The following COQ9 variants were observed in gnomAD, a reference collection of about 807,000 sequenced individuals.
The protein encoded by COQ9 is ubiquinone biosynthesis protein COQ9, mitochondrial.
COQ9 carries 35 observed loss-of-function variants against 42.4 expected under a neutral mutation model. The observed-to-expected ratio is 0.83, with a 90% CI of 0.63 to 1.10. COQ9 has a LOEUF of 1.10. Ranked by LOEUF, COQ9 falls within the 50% of genes least tolerant of loss-of-function variation. The pLI is 0.00. For synonymous variants in COQ9, 155 were observed against 155.1 expected, an observed-to-expected ratio of 1.00 and a Z score of 0.00; for missense variants, 406 against 414.6, an observed-to-expected ratio of 0.98 and a Z score of 0.18.
At chr16:57,449,463 C>T (rs1189526036) in intron 1 of COQ9, among the ~76,000 whole-genome samples, 2 of 151,918 alleles carry the variant, frequency 1.3e-5, no homozygotes, top group East Asian at 3.9e-4. Context: ...TACTGATAGG[C>T]ATAAAAATAT....
intron 6 of COQ9, 125 bp from the exon 7 acceptor site, chr16:57,459,440 A>G: frequency 1.1e-6 from 1 of 923,248 alleles, no homozygotes. Context: ...TGTTGTCCAG[A>G]GGGCCAGATG....
chr16:57,447,634 G>A, intron 1 of COQ9, 56 bp downstream of exon 1: 2 of 1,217,034 alleles, frequency 1.6e-6, no homozygotes, highest in Non-Finnish European at 2.1e-6. Context: ...GCGCGAGGCC[G>A]GCTTCAGCTG....
At chr16:57,450,394 G>A (rs1000544294) in intron 1 of COQ9, among the ~76,000 whole-genome samples, 1 of 131,998 alleles carries the variant, frequency 7.6e-6, no homozygotes, top group Non-Finnish European at 1.6e-5. Flanking sequence ...CAGCTTGGCC[G>A]ACAGAGTGAG....
chr16:57,458,331 C>T lies in COQ9; in HGVS notation c.692C>T (p.Ala231Val), dbSNP rs775089336. 4.3e-6 allele frequency: 7 copies of T among 1,612,234 alleles called. No individual in the cohort carries two copies. The Admixed American group carries it at 1.2e-4, about 27-fold the overall frequency. Residue 231 changes from alanine to valine, a missense_variant, in exon 6 of 9, where the codon GCT becomes GTT. Transcript: ENST00000262507. ...ATGGTGGATGACATGTGGCATTACG[C>T]TGGGGACCAGTCCACTGATGTGAGT... is the stretch of plus-strand genomic sequence containing the variant. ...TSMVDDMWHY[A>V]GDQSTDFNWY...
Position 57,452,924 on chromosome 16 carries a change from A to G in COQ9, c.366A>G (p.Ala122=), listed in dbSNP as rs2030320918. 1 of 1,613,538 alleles carries G rather than the reference A, an allele frequency of 6.2e-7. No individual in the cohort carries two copies. Among genetic ancestry groups the G allele is most frequent in the African/African-American group, 1.3e-5 (1 of 74,910 alleles). The change falls in exon 3 of 9, where the codon GCA becomes GCG. Residue 122 remains alanine, a synonymous_variant. Transcript: ENST00000262507. ...PAHGWTAEAI[A]EGAQSLGLSS... is the part of the protein sequence containing the mutation. The stretch of plus-strand genomic sequence containing the variant: ...ACGGGTGGACAGCAGAGGCGATTGC[A>G]GAAGGAGCCCAGGTGTGTATAGGTG...
chr16:57,453,009 G>A (rs781324189), intron 3 of COQ9, 73 bp downstream of exon 3: 2 of 1,586,802 alleles, frequency 1.3e-6, no homozygotes, highest in African/African-American at 1.3e-5. Context: ...AGAGCGGGGG[G>A]CCTCATGCCT....
Position 57,460,778 on chromosome 16 carries a change from A to G in COQ9, c.*154A>G, listed in dbSNP as rs2146594415. 2.8e-6 allele frequency: 2 copies of G among 724,184 alleles called. No homozygotes were observed. Among genetic ancestry groups the G allele is most frequent in the East Asian group, 5.5e-5 (2 of 36,136 alleles). 44.9% of individuals were successfully genotyped at this position (724,184 alleles called of 1,614,324 possible). On this transcript the variant is annotated 3_prime_UTR_variant, in exon 9 of 9. Transcript: ENST00000262507. ...CTACCACAGCCACCTGGAAACCACA[A>G]GGCATTTGATGCTACCGTTCTGGTC... is the stretch of plus-strand genomic sequence containing the variant.
intron 1 of COQ9, among the ~76,000 whole-genome samples, chr16:57,448,278 C>A (rs1414713198): frequency 6.6e-6 from 1 of 151,964 alleles, no homozygotes; most frequent in African/African-American, 2.4e-5. Context: ...ATATTTGTGC[C>A]GTATCTTTCA....
intron 3 of COQ9, among the ~76,000 whole-genome samples, chr16:57,455,737 G>A (rs1427045591): frequency 6.6e-6 from 1 of 152,112 alleles, no homozygotes; most frequent in Non-Finnish European, 1.5e-5. Context: ...GGTGCACCAA[G>A]CAGGAGAAAC....
chr16:57,453,169 C>T, intron 3 of COQ9: 1 of 576,336 alleles, frequency 1.7e-6, no homozygotes, highest in Non-Finnish European at 3.1e-6. Context: ...ATCTATTAGG[C>T]AAGAATTGTC....
chr16:57,459,492 G>C (rs901037626), intron 6 of COQ9, 73 bp from the exon 7 acceptor site: 7 of 1,531,730 alleles, frequency 4.6e-6, no homozygotes, highest in Non-Finnish European at 4.5e-6. Context: ...GAACCCAGGA[G>C]TTCCCATGGC....
intron 1 of COQ9, among the ~76,000 whole-genome samples, chr16:57,448,688 C>T (rs1443293101): frequency 6.6e-6 from 1 of 152,082 alleles, no homozygotes. Context: ...GTTGGGATTA[C>T]AGGTATGAGC....
intron 4 of COQ9, 27 bp from the exon 5 acceptor site, chr16:57,456,904 C>T: frequency 1.3e-6 from 2 of 1,591,850 alleles, no homozygotes; most frequent in South Asian, 1.1e-5. Flanking sequence ...CACTCAGAGA[C>T]ACACTGTTTT....
rs1169120154 is a variant in COQ9, at chr16:57,460,478, C to T, written c.922-111C>T. On this transcript the variant is annotated intron_variant, in intron 8 of 8. Coordinates refer to ENST00000262507, the MANE Select transcript of COQ9 (RefSeq NM_020312.4). ...TGGCCAACATAGCAAAACCCTGTCTCTATGCAAAAAAGAAAAAAAAAAAGA... is the reference window on the plus strand; with the variant it reads ...TGGCCAACATAGCAAAACCCTGTCTTTATGCAAAAAAGAAAAAAAAAAAGA... The T allele has an allele frequency of 2.8e-6, 3 of 1,082,570 alleles. No homozygotes were observed. The Admixed American group carries it at 6.2e-5, about 22-fold the overall frequency. The allele number at this position is 1,082,570 out of a possible 1,614,324, so 67.1% of individuals were successfully genotyped here.
intron 8 of COQ9, 42 bp downstream of exon 8, chr16:57,460,146 T>G: frequency 1.2e-6 from 2 of 1,600,892 alleles, no homozygotes; most frequent in Non-Finnish European, 1.7e-6. Flanking sequence ...CTCTCTCCCA[T>G]TCCGGCTCTG....
At chr16:57,458,212 A>G in intron 5 of COQ9, 34 bp from the exon 6 acceptor site, 1 of 1,459,848 alleles carries the variant, frequency 6.9e-7, no homozygotes, top group Admixed American at 1.8e-5. Flanking sequence ...ATTACCTGTG[A>G]GCAGAGCTTA....
Position 57,452,825 on chromosome 16 carries a change from G to A in COQ9, c.267G>A (p.Glu89=), listed in dbSNP as rs1001171937. 8 of 1,613,374 alleles carry A rather than the reference G, an allele frequency of 5.0e-6. No homozygotes were observed. The African/African-American group carries it at 8.0e-5, about 16-fold the overall frequency. The change falls in exon 3 of 9, where the codon GAG becomes GAA. Residue 89 remains glutamate (E), a synonymous_variant. Transcript: ENST00000262507. ...GGTATACAGACCAGGGCGGCGAGGAGGAGGAGGACTATGAAAGTGAGGAGC... is the reference window on the plus strand; with the variant it reads ...GGTATACAGACCAGGGCGGCGAGGAAGAGGAGGACTATGAAAGTGAGGAGC... ...PPRYTDQGGE[E]EEDYESEEQL... is the part of the protein sequence containing the mutation.
chr16:57,451,358 G>GAGAAGCCATCACTACAA, intron 2 of COQ9, 150 bp downstream of exon 2: 1 of 880,808 alleles, frequency 1.1e-6, no homozygotes, highest in Non-Finnish European at 1.8e-6. Flanking sequence ...TTTTTGTAGT[G>GAGAAGCCATCACTACAA]ATGGCTTCTC....
At position 57,456,489 on chromosome 16, in the gene COQ9, T is replaced by A; in HGVS notation, c.379-15T>A. The A allele has an allele frequency of 1.2e-6, 2 of 1,614,026 alleles. No homozygotes were observed. Among genetic ancestry groups the A allele is most frequent in the Non-Finnish European group, 1.7e-6 (2 of 1,180,008 alleles). The stretch of plus-strand genomic sequence containing the variant: ...TTGGGCACCGCTTTTCTGTTTTCTG[T>A]CTCCCCTTTTGTAGTCTCTGGGTCT... On this transcript the variant is annotated splice_polypyrimidine_tract_variant and intron_variant, in intron 3 of 8. Transcript: ENST00000262507.
Sources: allele counts gnomAD v4.1 joint callset (sites outside exome capture counted in the v4.1 genomes callset), GRCh38; gene constraint gnomAD v4.1.1; transcripts MANE v1.5; gene names NCBI Gene and HGNC (gene_info 2026-07-23, HGNC 2026-07-21).